The following NHSL1 variants were observed in gnomAD, a reference collection of about 807,000 sequenced individuals.
NHSL1 encodes NHS like 1.
A neutral mutation model predicts 95.0 loss-of-function variants in NHSL1; 48 were observed. That is an observed-to-expected ratio of 0.51 (90% CI 0.40 to 0.64). The LOEUF is 0.64. Ranked by LOEUF, NHSL1 falls within the 30% of genes least tolerant of loss-of-function variation. The probability of loss-of-function intolerance (pLI) is 0.00; values close to 1 mark genes in which losing one functional copy is unlikely to be tolerated. For synonymous variants in NHSL1, 783 were observed against 833.9 expected (o/e 0.94, Z 1.05); for missense variants, 1,971 against 2,077.7 (o/e 0.95, Z 1.00).
At chr6:138,449,052 C>CAAA (rs545496586) in intron 3 of NHSL1, among the ~76,000 whole-genome samples, 7 of 88,432 alleles carry the variant, frequency 7.9e-5, no homozygotes, top group Admixed American at 6.5e-4. Flanking sequence ...AATTCTGTCT[C>CAAA]AAAAAAAAAA....
chr6:138,648,686 A>C (rs557013780), intron 1 of NHSL1, among the ~76,000 whole-genome samples: 130 of 152,366 alleles, frequency 8.5e-4, no homozygotes, highest in African/African-American at 3.0e-3. Flanking sequence ...CACAGAAAGA[A>C]GGGCCTACCC....
At chr6:138,648,182 C>A (rs1785044535) in intron 1 of NHSL1, among the ~76,000 whole-genome samples, 1 of 151,912 alleles carries the variant, frequency 6.6e-6, no homozygotes, top group South Asian at 2.1e-4. Flanking sequence ...AGTTGCTAAG[C>A]AGTTATTAAA....
In NHSL1 at chr6:138,424,360, C is replaced by T. The variant is rs1355684419; in HGVS notation, c.4542G>A (p.Arg1514=). Residue 1514 remains arginine (R), a synonymous_variant, in exon 8 of 8, where the codon CGG becomes CGA. Coordinates refer to ENST00000343505, the MANE Select transcript of NHSL1 (RefSeq NM_001144060.2). The surrounding 1 kb of genome is among the most constrained non-coding windows in gnomAD (Gnocchi z 5.9). ...TCATGGGGCTGCTCTGGATCCGGTT[C>T]CGCATGCTGTACCTGCTGCTGGCGG... ...PSAASSRYSM[R]NRIQSSPMTV... 3.2e-6 allele frequency: 5 copies of T among 1,548,514 alleles called. No individual in the cohort carries two copies. Among genetic ancestry groups the T allele is most frequent in the Non-Finnish European group, 4.4e-6 (5 of 1,145,382 alleles).
At chr6:138,488,790 G>A (rs1028905355) in intron 2 of NHSL1, among the ~76,000 whole-genome samples, 1 of 152,184 alleles carries the variant, frequency 6.6e-6, no homozygotes, top group Non-Finnish European at 1.5e-5. Context: ...GTGGAGGGCA[G>A]CTGAAAGGGC....
intron 1 of NHSL1, among the ~76,000 whole-genome samples, chr6:138,603,980 T>A (rs1784402063): frequency 6.6e-6 from 1 of 152,208 alleles, no homozygotes; most frequent in African/African-American, 2.4e-5. Context: ...CCCCTTGGAA[T>A]GGATGGGGCA....
chr6:138,550,066 C>T (rs1034650765), upstream of NHSL1, among the ~76,000 whole-genome samples: 1 of 151,928 alleles, frequency 6.6e-6, no homozygotes, highest in African/African-American at 2.4e-5. Context: ...ATGGCGAAAC[C>T]CCATCTCTAC....
At chr6:138,499,183 A>G (rs1780535423) in intron 1 of NHSL1, 50 bp downstream of exon 1, 1 of 1,229,676 alleles carries the variant, frequency 8.1e-7, no homozygotes, top group Non-Finnish European at 1.2e-6. Flanking sequence ...ATATACACAT[A>G]TGGAAACATA....
At chr6:138,593,939 G>A (rs967663015) in intron 1 of NHSL1, among the ~76,000 whole-genome samples, 1 of 152,212 alleles carries the variant, frequency 6.6e-6, no homozygotes, top group South Asian at 2.1e-4. Context: ...CCAAACTGGT[G>A]TTAAGGAAAA....
At chr6:138,684,184 C>G (rs1785552008) in intron 1 of NHSL1, among the ~76,000 whole-genome samples, 1 of 148,576 alleles carries the variant, frequency 6.7e-6, no homozygotes, top group Admixed American at 6.7e-5. Flanking sequence ...TGCACTCCAG[C>G]CTGGGAGACA....
chr6:138,563,866 G>A (rs1427244697), intron 1 of NHSL1, among the ~76,000 whole-genome samples: 1 of 152,200 alleles, frequency 6.6e-6, no homozygotes, highest in Non-Finnish European at 1.5e-5. Flanking sequence ...GGTTTAACAG[G>A]ATCACTGAGG....
intron 1 of NHSL1, among the ~76,000 whole-genome samples, chr6:138,606,477 T>C (rs961863170): frequency 3.5e-4 from 54 of 152,192 alleles, no homozygotes; most frequent in African/African-American, 1.3e-3. Flanking sequence ...ATCAATTAAA[T>C]AGGCTGGGAT....
At chr6:138,623,562 GAATAC>G (rs745836541) in intron 1 of NHSL1, among the ~76,000 whole-genome samples, 11 of 152,210 alleles carry the variant, frequency 7.2e-5, no homozygotes, top group Non-Finnish European at 1.0e-4. Flanking sequence ...CAATTTTGAA[GAATAC>G]AATACATTGT....
upstream of NHSL1, among the ~76,000 whole-genome samples, chr6:138,549,874 G>A (rs927233275): frequency 2.0e-5 from 3 of 152,026 alleles, no homozygotes; most frequent in African/African-American, 7.3e-5. Context: ...AAACTTCACA[G>A]CATTAACCTC....
chr6:138,545,748 G>A (rs1414037912), upstream of NHSL1: 2 of 1,229,292 alleles, frequency 1.6e-6, no homozygotes, highest in Non-Finnish European at 2.1e-6. Context: ...CAGAGAGCGG[G>A]GCGGCCAGCC....
intron 1 of NHSL1, among the ~76,000 whole-genome samples, chr6:138,630,293 G>C (rs546198241): frequency 7.9e-5 from 12 of 151,900 alleles, no homozygotes; most frequent in African/African-American, 2.9e-4. Context: ...AACCACCTTT[G>C]AATGAAATAA....
upstream of NHSL1, among the ~76,000 whole-genome samples, chr6:138,548,523 T>C (rs180874710): frequency 7.2e-5 from 11 of 152,296 alleles, no homozygotes; most frequent in African/African-American, 2.2e-4. Flanking sequence ...TTACGGTTGG[T>C]GTATTTTATG....
chr6:138,435,147 A>C (rs1423415178), intron 5 of NHSL1: 2 of 154,936 alleles, frequency 1.3e-5, no homozygotes, highest in East Asian at 3.9e-4. Context: ...CACTTTGAGG[A>C]AGTGCAAAAT....
chr6:138,556,966 C>A (rs1409154001), intron 1 of NHSL1, among the ~76,000 whole-genome samples: 1 of 152,052 alleles, frequency 6.6e-6, no homozygotes, highest in Non-Finnish European at 1.5e-5. Flanking sequence ...TGACAATCAA[C>A]AAGTAATTAG....
At chr6:138,643,805 C>T (rs551484524) in intron 1 of NHSL1, among the ~76,000 whole-genome samples, 64 of 152,050 alleles carry the variant, frequency 4.2e-4, no homozygotes, top group African/African-American at 1.4e-3. Context: ...TTGAGACCAG[C>T]CTAGCCAACA....
Sources: gnomAD v4.1 joint callset for allele counts (sites outside exome capture counted in the v4.1 genomes callset) on GRCh38, gnomAD v4.1.1 for gene constraint, Gnocchi (gnomAD v3.1) non-coding constraint, MANE v1.5 for transcripts, NCBI Gene and HGNC (gene_info 2026-07-23, HGNC 2026-07-21) for gene names.